Variants in C6 observed in about 807,000 individuals in gnomAD.
C6 encodes the protein complement C6.
In C6, 101 loss-of-function variants were observed where a neutral mutation model predicts 112.9. That is an observed-to-expected ratio of 0.89 (90% CI 0.76 to 1.06). The LOEUF is 1.06. Ranked by LOEUF, C6 falls within the 50% of genes least tolerant of loss-of-function variation. The pLI is 0.00. For missense variants in C6, 1,202 were observed against 1,104.6 expected (o/e 1.09, Z -1.25); for synonymous variants, 431 against 384.1 (o/e 1.12, Z -1.43).
intron 1 of C6, among the ~76,000 whole-genome samples, chr5:41,231,519 G>A (rs1001151718): frequency 7.2e-5 from 11 of 151,964 alleles, no homozygotes; most frequent in Admixed American, 5.2e-4. Flanking sequence ...TTCCATTATC[G>A]TGTAATCATA....
At chr5:41,187,506 G>C (rs1474334371) in intron 5 of C6, among the ~76,000 whole-genome samples, 1 of 152,122 alleles carries the variant, frequency 6.6e-6, no homozygotes, top group Non-Finnish European at 1.5e-5. Flanking sequence ...TGGATTTAAA[G>C]CAGAAAATTC....
At chr5:41,166,764 A>T (rs1748012962) in intron 9 of C6, among the ~76,000 whole-genome samples, 1 of 152,128 alleles carries the variant, frequency 6.6e-6, no homozygotes, top group Non-Finnish European at 1.5e-5. Context: ...TAGAGATGGT[A>T]ATCAGGTAAG....
intron 15 of C6, 135 bp from the exon 16 acceptor site, chr5:41,150,160 CTAAA>C (rs1223525865): frequency 1.2e-4 from 81 of 685,914 alleles, no homozygotes; most frequent in Middle Eastern, 3.6e-4. Flanking sequence ...TTTGGCTTCT[CTAAA>C]TACATTGTCA....
At chr5:41,219,100 A>G (rs767601777) in intron 1 of C6, among the ~76,000 whole-genome samples, 2 of 152,236 alleles carry the variant, frequency 1.3e-5, no homozygotes, top group Non-Finnish European at 2.9e-5. Context: ...GATGCTGTCC[A>G]GTTTATTCAA....
chr5:41,170,657 GTAGAC>G, intron 9 of C6, among the ~76,000 whole-genome samples: 1 of 152,188 alleles, frequency 6.6e-6, no homozygotes, highest in African/African-American at 2.4e-5. Flanking sequence ...TCATGTGTAT[GTAGAC>G]CATCTACCTG....
chr5:41,200,891 G>GTTGT (rs1447605950), intron 3 of C6, among the ~76,000 whole-genome samples: 6 of 70,672 alleles, frequency 8.5e-5, no homozygotes, highest in Non-Finnish European at 9.8e-5. Flanking sequence ...TGTTGTTGTT[G>GTTGT]TTTTTTTTTT....
At chr5:41,171,842 C>T (rs907339421) in intron 9 of C6, among the ~76,000 whole-genome samples, 2 of 152,024 alleles carry the variant, frequency 1.3e-5, no homozygotes, top group African/African-American at 2.4e-5. Context: ...TCCTTTATAG[C>T]CTTTTAGAAA....
intron 5 of C6, among the ~76,000 whole-genome samples, chr5:41,187,530 G>T (rs1749869646): frequency 6.6e-6 from 1 of 152,106 alleles, no homozygotes; most frequent in Admixed American, 6.6e-5. Flanking sequence ...CAATTACTCA[G>T]GCGCTTCTAA....
At chr5:41,228,633 T>A (rs1739679836) in intron 1 of C6, among the ~76,000 whole-genome samples, 1 of 152,196 alleles carries the variant, frequency 6.6e-6, no homozygotes, top group Non-Finnish European at 1.5e-5. Flanking sequence ...ATTCTTTATA[T>A]GCCTAATTCA....
intron 2 of C6, 92 bp from the exon 3 acceptor site, chr5:41,201,806 A>T: frequency 8.2e-7 from 1 of 1,215,688 alleles, no homozygotes; most frequent in Non-Finnish European, 1.2e-6. Flanking sequence ...TAACTACAAT[A>T]AATAGAAAAG....
chr5:41,247,259 A>G (rs1225900803), intron 1 of C6, among the ~76,000 whole-genome samples: 1 of 152,152 alleles, frequency 6.6e-6, no homozygotes, highest in Non-Finnish European at 1.5e-5. Flanking sequence ...TATCTCTCCT[A>G]ATTGACAATA....
At chr5:41,226,476 G>A (rs950598776) in intron 1 of C6, among the ~76,000 whole-genome samples, 12 of 152,288 alleles carry the variant, frequency 7.9e-5, no homozygotes, top group African/African-American at 2.9e-4. Context: ...AAGGTGTGGA[G>A]AAATAGCAGT....
At chr5:41,162,182 G>T (rs1747582656) in intron 9 of C6, among the ~76,000 whole-genome samples, 1 of 152,248 alleles carries the variant, frequency 6.6e-6, no homozygotes, top group Non-Finnish European at 1.5e-5. Flanking sequence ...AAAGTAATTT[G>T]TCCTGGAACA....
intron 16 of C6, 88 bp downstream of exon 16, chr5:41,149,847 G>T: frequency 1.2e-6 from 1 of 866,988 alleles, no homozygotes; most frequent in Non-Finnish European, 2.0e-6. Flanking sequence ...TCATGTCTGT[G>T]CTTCAAAAAG....
At chr5:41,166,722 G>A (rs1748008279) in intron 9 of C6, among the ~76,000 whole-genome samples, 1 of 152,074 alleles carries the variant, frequency 6.6e-6, no homozygotes, top group African/African-American at 2.4e-5. Flanking sequence ...AGTACGTCTA[G>A]GAGGGCACCT....
intron 1 of C6, among the ~76,000 whole-genome samples, chr5:41,226,442 G>A (rs994604004): frequency 1.3e-5 from 2 of 152,108 alleles, no homozygotes; most frequent in African/African-American, 2.4e-5. Flanking sequence ...TCATTAAAAA[G>A]TCAGGAAACA....
At chr5:41,186,772 A>G (rs13177483) in intron 5 of C6, among the ~76,000 whole-genome samples, 63,498 of 151,770 alleles carry the variant, frequency 0.42, 13,571 homozygotes, top group African/African-American at 0.45. Flanking sequence ...TTGGTTAAGT[A>G]CTTTACTAAT....
intron 1 of C6, among the ~76,000 whole-genome samples, chr5:41,238,755 C>A (rs1279562996): frequency 6.6e-6 from 1 of 151,998 alleles, no homozygotes; most frequent in African/African-American, 2.4e-5. Context: ...ACACAAATAA[C>A]CTGAAGGGCA....
Position 41,237,098 on chromosome 5 carries a change from C to T in C6, c.-21+24096G>A, listed in dbSNP as rs1740369344. 1.6e-5 allele frequency among the ~76,000 whole-genome samples: 2 copies of T among 125,988 alleles called. 1 individual carries two copies. The highest frequency in any genetic ancestry group is 6.3e-5 in the African/African-American group (2 of 31,826). 82.7% of individuals were successfully genotyped at this position (125,988 alleles called of 152,430 possible). A position where few individuals can be genotyped will look rare whatever the true frequency, so the allele number is the denominator to read the frequency against. On this transcript the variant is annotated intron_variant, in intron 1 of 17. Transcript: ENST00000263413. ...TGGCAATAATCAATAGTTTACCAAC[C>T]AAAAAGAGTCCATGACCAGATGGAT...
Sources: allele counts gnomAD v4.1 joint callset (sites outside exome capture counted in the v4.1 genomes callset), GRCh38; gene constraint gnomAD v4.1.1; transcripts MANE v1.5; gene names NCBI Gene and HGNC (gene_info 2026-07-23, HGNC 2026-07-21).